TRPM3: variants seen among roughly 807,000 people sequenced by gnomAD.
The protein encoded by TRPM3 is transient receptor potential cation channel subfamily M member 3.
A neutral mutation model predicts 181.2 loss-of-function variants in TRPM3; 77 were observed. The ratio of observed to expected loss-of-function variants is 0.42; its 90% confidence interval spans 0.35 to 0.51. The LOEUF is 0.51. Ranked by LOEUF, TRPM3 falls within the 20% of genes least tolerant of loss-of-function variation. The pLI is 0.01. For missense variants in TRPM3, 1,759 were observed against 2,196.7 expected (o/e 0.80, Z 3.98); for synonymous variants, 745 against 796.4 (o/e 0.94, Z 1.09).
chr9:70,589,164 C>G (rs1157425407), intron 22 of TRPM3, among the ~76,000 whole-genome samples: 2 of 152,202 alleles, frequency 1.3e-5, no homozygotes, highest in Non-Finnish European at 2.9e-5. Context: ...ATGTTTCACT[C>G]ACACAGAACA....
intron 1 of TRPM3, among the ~76,000 whole-genome samples, chr9:71,373,383 A>C (rs2132817024): frequency 6.6e-6 from 1 of 152,242 alleles, no homozygotes; most frequent in East Asian, 1.9e-4. Context: ...ACTACTAGCT[A>C]GATTAATAAA....
chr9:71,365,115 A>C (rs1021686048), intron 1 of TRPM3, among the ~76,000 whole-genome samples: 1 of 152,164 alleles, frequency 6.6e-6, no homozygotes. Flanking sequence ...AGCAAAGCCA[A>C]TTTCTCTTTT....
intron 1 of TRPM3, among the ~76,000 whole-genome samples, chr9:71,206,352 T>C (rs2079119074): frequency 6.6e-6 from 1 of 152,242 alleles, no homozygotes; most frequent in Non-Finnish European, 1.5e-5. Context: ...TCAGTGATGA[T>C]GAGCTCTTTT....
At chr9:70,793,083 C>T (rs547570205) in intron 6 of TRPM3, among the ~76,000 whole-genome samples, 83 of 152,136 alleles carry the variant, frequency 5.5e-4, no homozygotes, top group Non-Finnish European at 8.1e-4. Context: ...ACTTCTTAGC[C>T]CATGAGCTAA....
chr9:70,584,296 T>C (rs1217190064), intron 22 of TRPM3, among the ~76,000 whole-genome samples: 2 of 152,234 alleles, frequency 1.3e-5, no homozygotes, highest in East Asian at 1.9e-4. Flanking sequence ...AAGTAGAAGT[T>C]GCACATTTTT....
At chr9:71,391,190 G>A (rs943845770) in intron 1 of TRPM3, among the ~76,000 whole-genome samples, 1 of 151,992 alleles carries the variant, frequency 6.6e-6, no homozygotes, top group Non-Finnish European at 1.5e-5. Context: ...GCATATCCTT[G>A]AAATCTTTTA....
chr9:71,199,788 A>G (rs980464706), intron 1 of TRPM3, among the ~76,000 whole-genome samples: 9 of 151,080 alleles, frequency 6.0e-5, no homozygotes, highest in African/African-American at 7.3e-5. Context: ...TCTTGCTAGC[A>G]GTCTATCAAT....
intron 25 of TRPM3, among the ~76,000 whole-genome samples, chr9:70,543,740 C>T (rs1037366676): frequency 6.6e-6 from 1 of 152,286 alleles, no homozygotes; most frequent in South Asian, 2.1e-4. Context: ...AGGAATACTG[C>T]TAAATCCTTG....
intron 25 of TRPM3, among the ~76,000 whole-genome samples, chr9:70,543,878 ATAGGCAG>A (rs1221240292): frequency 3.9e-5 from 6 of 152,314 alleles, no homozygotes; most frequent in Admixed American, 2.6e-4. Flanking sequence ...TTAAATGCCT[ATAGGCAG>A]GCAGATCAAG....
intron 9 of TRPM3, among the ~76,000 whole-genome samples, chr9:70,647,075 T>A (rs1251867570): frequency 6.6e-6 from 1 of 152,046 alleles, no homozygotes; most frequent in African/African-American, 2.4e-5. Context: ...GAAAATGCCC[T>A]GGACCAGCGA....
chr9:70,863,124 G>T lies in TRPM3; in HGVS notation c.258-12C>A. ...GCCCACAGCAACACCTATAACAGAAGAGGTTAAAGTGAACCCCTGGTATTA... is the reference window on the plus strand; with the variant it reads ...GCCCACAGCAACACCTATAACAGAATAGGTTAAAGTGAACCCCTGGTATTA... On this transcript the variant is annotated splice_polypyrimidine_tract_variant and intron_variant, in intron 2 of 25. Coordinates refer to ENST00000677713, the MANE Select transcript of TRPM3 (RefSeq NM_001366145.2). 1.2e-6 allele frequency: 2 copies of T among 1,610,554 alleles called. No individual in the cohort carries two copies. The highest frequency in any genetic ancestry group is 1.7e-6 in the Non-Finnish European group (2 of 1,177,796).
intron 2 of TRPM3, 28 bp from the exon 3 acceptor site, chr9:70,863,140 C>T (rs754968982): frequency 1.9e-6 from 3 of 1,598,022 alleles, no homozygotes; most frequent in Non-Finnish European, 2.6e-6. Context: ...AAAGTGAACC[C>T]CTGGTATTAG....
chr9:71,403,141 A>G (rs530363955), intron 1 of TRPM3, among the ~76,000 whole-genome samples: 18 of 152,298 alleles, frequency 1.2e-4, no homozygotes, highest in African/African-American at 4.3e-4. Flanking sequence ...AGGTTGGCAA[A>G]CTATGCCTGC....
rs117188131 is a variant in TRPM3 at position 71,062,813 on chromosome 9, C to T, written c.177+58365G>A. ...TTCAGCTCCCCTCCCCTCTCACTCACACCCTCTCTTGGCCTTCCGCCTTCT... is the reference window on the plus strand; with the variant it reads ...TTCAGCTCCCCTCCCCTCTCACTCATACCCTCTCTTGGCCTTCCGCCTTCT... On this transcript the variant is annotated intron_variant, in intron 1 of 25. Coordinates refer to ENST00000677713, the MANE Select transcript of TRPM3 (RefSeq NM_001366145.2). Among the ~76,000 whole-genome samples, 748 of 152,200 alleles carry T rather than the reference C, an allele frequency of 4.9e-3. 17 individuals are homozygous for T. In the East Asian group the frequency reaches 0.077, roughly 16 times the overall value.
chr9:71,380,398 A>G (rs2132866100), intron 1 of TRPM3, among the ~76,000 whole-genome samples: 1 of 152,176 alleles, frequency 6.6e-6, no homozygotes, highest in South Asian at 2.1e-4. Flanking sequence ...CAATTAGAGA[A>G]TGAGGAAGCC....
intron 1 of TRPM3, among the ~76,000 whole-genome samples, chr9:71,365,364 C>T (rs2092300741): frequency 6.6e-6 from 1 of 152,140 alleles, no homozygotes; most frequent in South Asian, 2.1e-4. Flanking sequence ...TTTCCAATAT[C>T]CAAGTCTCAT....
At chr9:70,552,255 G>C (rs1445677261) in intron 24 of TRPM3, among the ~76,000 whole-genome samples, 1 of 152,122 alleles carries the variant, frequency 6.6e-6, no homozygotes, top group East Asian at 1.9e-4. Flanking sequence ...GCAGTGTGTG[G>C]CACAATCCTA....
chr9:71,212,871 G>A (rs2079596438), intron 1 of TRPM3, among the ~76,000 whole-genome samples: 1 of 151,964 alleles, frequency 6.6e-6, no homozygotes. Flanking sequence ...ATGTATGTAT[G>A]TATTATAACA....
At chr9:71,288,070 T>C in intron 1 of TRPM3, among the ~76,000 whole-genome samples, 1 of 152,248 alleles carries the variant, frequency 6.6e-6, no homozygotes, top group South Asian at 2.1e-4. Context: ...TTTTAAAATG[T>C]TAAATATTTT....
Sources: gnomAD v4.1 joint callset for allele counts (sites outside exome capture counted in the v4.1 genomes callset) on GRCh38, gnomAD v4.1.1 for gene constraint, MANE v1.5 for transcripts, NCBI Gene and HGNC (gene_info 2026-07-23, HGNC 2026-07-21) for gene names.